Variants in TRAK1 observed in about 807,000 individuals in gnomAD.
The protein encoded by TRAK1 is trafficking kinesin protein 1, also known as trafficking kinesin-binding protein 1.
Under a neutral mutation model 92.1 loss-of-function variants are expected in TRAK1, and 33 were observed. That is an observed-to-expected ratio of 0.36 (90% CI 0.27 to 0.48). TRAK1 has a LOEUF of 0.48. TRAK1 is among the 20% of genes least tolerant of loss of function. The pLI is 0.99. For missense variants in TRAK1, 1,123 were observed against 1,257.9 expected (o/e 0.89, Z 1.62); for synonymous variants, 521 against 517.3 (o/e 1.01, Z -0.10).
chr3:42,217,734 A>G (rs1269571865), intron 14 of TRAK1: 9 of 985,170 alleles, frequency 9.1e-6, no homozygotes, highest in Non-Finnish European at 1.1e-5. Flanking sequence ...TCCTTCCCAA[A>G]TAACCCCTCA....
At chr3:42,068,818 A>T (rs185293019) in intron 1 of TRAK1, among the ~76,000 whole-genome samples, 277 of 152,230 alleles carry the variant, frequency 1.8e-3, no homozygotes, top group African/African-American at 6.3e-3. Flanking sequence ...TCTTTACATT[A>T]TTGTATTAGC....
intron 1 of TRAK1, among the ~76,000 whole-genome samples, chr3:42,072,671 C>T (rs776249959): frequency 6.0e-5 from 9 of 151,130 alleles, no homozygotes; most frequent in African/African-American, 1.2e-4. Context: ...TTTTTGGAAA[C>T]GGGGATTTGG....
intron 2 of TRAK1, among the ~76,000 whole-genome samples, chr3:42,158,153 CTG>C (rs1447819573): frequency 5.3e-5 from 8 of 152,070 alleles, no homozygotes; most frequent in African/African-American, 1.7e-4. Context: ...ATCTAAGTCT[CTG>C]TATGTTTCAT....
intron 1 of TRAK1, among the ~76,000 whole-genome samples, chr3:42,120,006 G>A (rs932192007): frequency 6.6e-6 from 1 of 152,126 alleles, no homozygotes; most frequent in South Asian, 2.1e-4. Context: ...TTCGAGACTA[G>A]CCTGGTCACC....
chr3:42,119,886 G>A (rs970703770), intron 1 of TRAK1, among the ~76,000 whole-genome samples: 4 of 152,134 alleles, frequency 2.6e-5, no homozygotes, highest in Non-Finnish European at 5.9e-5. Flanking sequence ...AAACGTAGAG[G>A]CAGAATGATG....
At chr3:42,032,470 G>A (rs1467492572) in intron 1 of TRAK1, among the ~76,000 whole-genome samples, 1 of 140,788 alleles carries the variant, frequency 7.1e-6, no homozygotes, top group Non-Finnish European at 1.5e-5. Flanking sequence ...CACCCGGAGT[G>A]GGTCAACCTG....
chr3:42,159,055 G>A (rs1032242194), intron 2 of TRAK1, among the ~76,000 whole-genome samples: 6 of 151,608 alleles, frequency 4.0e-5, no homozygotes, highest in African/African-American at 7.3e-5. Context: ...ATTATCTCTG[G>A]TTTTCTATTT....
chr3:42,129,956 G>A (rs941457699), intron 2 of TRAK1, among the ~76,000 whole-genome samples: 3 of 152,078 alleles, frequency 2.0e-5, no homozygotes, highest in African/African-American at 7.2e-5. Flanking sequence ...TTCAAAATCT[G>A]TCAGTAGCTT....
At chr3:42,149,809 G>A (rs955677457) in intron 2 of TRAK1, among the ~76,000 whole-genome samples, 2 of 152,164 alleles carry the variant, frequency 1.3e-5, no homozygotes, top group Non-Finnish European at 1.5e-5. Flanking sequence ...CCTGCAGTAT[G>A]TATGATTGTT....
intron 1 of TRAK1, among the ~76,000 whole-genome samples, chr3:42,057,848 C>T (rs1703260820): frequency 6.6e-6 from 1 of 152,192 alleles, no homozygotes; most frequent in African/African-American, 2.4e-5. Context: ...ACGTGGCCCA[C>T]ACCATGTTAA....
intron 2 of TRAK1, chr3:42,160,575 T>TTTTTTTTTTTTG (rs1701166932): frequency 7.5e-7 from 1 of 1,339,940 alleles, no homozygotes. Context: ...TTTTGTTTTT[T>TTTTTTTTTTTTG]TTTAAGTTGA....
chr3:42,014,833 C>T (rs1158621130), intron 1 of TRAK1, among the ~76,000 whole-genome samples: 1 of 151,256 alleles, frequency 6.6e-6, no homozygotes, highest in East Asian at 1.9e-4. Flanking sequence ...ATATGCTTCA[C>T]TGGAACTTTA....
In TRAK1 at chr3:42,225,413, A is replaced by C. The variant is rs1176941648; in HGVS notation, c.*1676A>C. The C allele has an allele frequency of 2.0e-5, 3 of 152,244 alleles. No individual in the cohort carries two copies. The East Asian group carries it at 5.8e-4, about 29-fold the overall frequency. The allele number at this position is 152,244 out of a possible 1,614,324, so 9.4% of individuals were successfully genotyped here. On this transcript the variant is annotated 3_prime_UTR_variant, in exon 16 of 16. Coordinates refer to ENST00000327628, the MANE Select transcript of TRAK1 (RefSeq NM_001042646.3). ...GTTTCAGACTATTTATTCTCTGAAC[A>C]CAAGAGTATTGGTTAATTATGTTCT... is the stretch of plus-strand genomic sequence containing the variant.
At chr3:42,163,467 G>A (rs1026512536) in intron 2 of TRAK1, among the ~76,000 whole-genome samples, 5 of 152,068 alleles carry the variant, frequency 3.3e-5, no homozygotes, top group African/African-American at 9.7e-5. Context: ...TACTCGGGAG[G>A]CTGAGGCAGG....
intron 2 of TRAK1, chr3:42,160,556 C>CTTT: frequency 5.8e-6 from 7 of 1,199,518 alleles, no homozygotes; most frequent in Non-Finnish European, 6.9e-6. Flanking sequence ...TTTCATAGCA[C>CTTT]TGTTTTGTTT....
intron 1 of TRAK1, among the ~76,000 whole-genome samples, chr3:42,108,495 A>T (rs1290605238): frequency 2.7e-5 from 2 of 74,824 alleles, no homozygotes; most frequent in African/African-American, 9.6e-5. Flanking sequence ...CTGCCTTTAA[A>T]AAAAAAAAAA....
intron 9 of TRAK1, 102 bp from the exon 10 acceptor site, chr3:42,194,702 G>A: frequency 7.1e-7 from 1 of 1,408,990 alleles, no homozygotes; most frequent in Non-Finnish European, 9.6e-7. Context: ...CACGTGCTGG[G>A]GACTCTTAGA....
chr3:42,074,759 A>G (rs1032532384), intron 1 of TRAK1, among the ~76,000 whole-genome samples: 11 of 151,544 alleles, frequency 7.3e-5, no homozygotes, highest in Admixed American at 7.2e-4. Flanking sequence ...GGCCTGTCAC[A>G]GGGGATTGGT....
At chr3:42,183,176 T>C (rs140567012) in intron 3 of TRAK1, among the ~76,000 whole-genome samples, 1 of 152,366 alleles carries the variant, frequency 6.6e-6, no homozygotes, top group Non-Finnish European at 1.5e-5. Context: ...TCTGTGCCAT[T>C]GTATTTAAGT....
Sources: allele counts gnomAD v4.1 joint callset (sites outside exome capture counted in the v4.1 genomes callset), GRCh38; gene constraint gnomAD v4.1.1; transcripts MANE v1.5; gene names NCBI Gene and HGNC (gene_info 2026-07-23, HGNC 2026-07-21).